PTPN4: variants seen among roughly 807,000 people sequenced by gnomAD.
PTPN4 encodes the protein protein tyrosine phosphatase non-receptor type 4.
In PTPN4, 49 loss-of-function variants were observed where a neutral mutation model predicts 135.5. That is an observed-to-expected ratio of 0.36 (90% CI 0.29 to 0.46). The LOEUF (loss-of-function observed/expected upper bound fraction) is 0.46, where lower values mean the gene tolerates loss of function less well. Among genes scored for constraint, PTPN4 ranks in the 20% least tolerant of loss-of-function variants. The probability of loss-of-function intolerance (pLI) is 1.00; values close to 1 mark genes in which losing one functional copy is unlikely to be tolerated. For missense variants in PTPN4, 860 were observed against 1,101.0 expected (o/e 0.78, Z 3.10); for synonymous variants, 333 against 369.9 (o/e 0.90, Z 1.14).
intron 8 of PTPN4, among the ~76,000 whole-genome samples, chr2:119,884,286 TG>T (rs1319529383): frequency 1.3e-5 from 2 of 152,264 alleles, no homozygotes; most frequent in African/African-American, 4.8e-5. Flanking sequence ...AATAGCATTT[TG>T]TGGCATGTGA....
At chr2:119,949,226 A>G (rs1471311258) in intron 18 of PTPN4, among the ~76,000 whole-genome samples, 1 of 152,202 alleles carries the variant, frequency 6.6e-6, no homozygotes, top group Non-Finnish European at 1.5e-5. Flanking sequence ...ATTTAGAGCA[A>G]ATTAAAACAT....
Position 119,980,607 on chromosome 2 carries a change from A to G in PTPN4, c.*3537A>G, listed in dbSNP as rs1679678239. 6.6e-6 allele frequency: 1 copy of G among 152,048 alleles called. No homozygotes were observed. The highest frequency in any genetic ancestry group is 1.5e-5 in the Non-Finnish European group (1 of 67,954). The allele number at this position is 152,048 out of a possible 1,614,324, so 9.4% of individuals were successfully genotyped here. On this transcript the variant is annotated 3_prime_UTR_variant, in exon 27 of 27. Transcript: ENST00000263708. Reference sequence around the variant, plus strand: ...ATAAATTATAACCTATGTGAATATCATAAATTCTTGTGAATTTTTGTCTAT... The same window carrying G: ...ATAAATTATAACCTATGTGAATATCGTAAATTCTTGTGAATTTTTGTCTAT...
chr2:119,810,539 T>C (rs1241060474), intron 2 of PTPN4, among the ~76,000 whole-genome samples: 1 of 152,216 alleles, frequency 6.6e-6, no homozygotes, highest in Non-Finnish European at 1.5e-5. Context: ...TTTGTATGAA[T>C]ATACTATAGT....
intron 15 of PTPN4, among the ~76,000 whole-genome samples, chr2:119,939,818 T>C (rs1216285768): frequency 1.3e-5 from 2 of 152,184 alleles, no homozygotes; most frequent in Non-Finnish European, 2.9e-5. Flanking sequence ...CCAGTCTTGA[T>C]CAAGTCTAGC....
Position 119,877,444 on chromosome 2 carries a change from A to G in PTPN4, c.290-20A>G. ...GATTAATATAGTCTGATTAATTAGA[A>G]CTACTTTTATTAATTCTAGGAGGAT... On this transcript the variant is annotated intron_variant, in intron 4 of 26. Transcript: ENST00000263708. 6.2e-7 allele frequency: 1 copy of G among 1,605,690 alleles called. No individual in the cohort carries two copies. Among genetic ancestry groups the G allele is most frequent in the African/African-American group, 1.3e-5 (1 of 74,598 alleles).
intron 20 of PTPN4, among the ~76,000 whole-genome samples, chr2:119,956,570 A>G (rs1049778747): frequency 6.6e-6 from 1 of 152,168 alleles, no homozygotes; most frequent in Non-Finnish European, 1.5e-5. Flanking sequence ...CAGATTTGCT[A>G]CTCACAACTT....
At chr2:119,963,320 G>A (rs1020287347) in intron 24 of PTPN4, among the ~76,000 whole-genome samples, 1 of 152,164 alleles carries the variant, frequency 6.6e-6, no homozygotes, top group East Asian at 1.9e-4. Flanking sequence ...TGATGGCTCA[G>A]TATCCCAATT....
At chr2:119,945,702 C>G (rs1399807974) in intron 16 of PTPN4, among the ~76,000 whole-genome samples, 2 of 152,016 alleles carry the variant, frequency 1.3e-5, no homozygotes, top group Admixed American at 6.6e-5. Context: ...TGTGAAATAT[C>G]CAAAACAGTC....
intron 1 of PTPN4, among the ~76,000 whole-genome samples, chr2:119,808,914 A>G (rs940018337): frequency 6.6e-6 from 1 of 152,132 alleles, no homozygotes; most frequent in Non-Finnish European, 1.5e-5. Flanking sequence ...TTTTCATTAT[A>G]TTTTGCTTAC....
At chr2:119,807,093 T>C (rs888336428) in intron 1 of PTPN4, among the ~76,000 whole-genome samples, 2 of 152,000 alleles carry the variant, frequency 1.3e-5, no homozygotes, top group African/African-American at 2.4e-5. Flanking sequence ...TAGAGGAAAA[T>C]TTATAGCACT....
chr2:119,983,094 T>C lies in PTPN4; in HGVS notation c.*6024T>C, dbSNP rs903044907. ...TTTAAAAATCACTAATTTAACTCTT[T>C]GTTAAGTACTCAAGTACAAAGTGAT... On this transcript the variant is annotated 3_prime_UTR_variant, in exon 27 of 27. Transcript: ENST00000263708. 2 of 152,246 alleles carry C rather than the reference T, an allele frequency of 1.3e-5. No individual in the cohort carries two copies. Among genetic ancestry groups the C allele is most frequent in the Non-Finnish European group, 1.5e-5 (1 of 68,048 alleles). 9.4% of individuals were successfully genotyped at this position (152,246 alleles called of 1,614,324 possible). A position where few individuals can be genotyped will look rare whatever the true frequency, so the allele number is the denominator to read the frequency against.
chr2:119,891,120 A>T (rs1418578466), intron 9 of PTPN4, among the ~76,000 whole-genome samples: 1 of 151,894 alleles, frequency 6.6e-6, no homozygotes, highest in African/African-American at 2.4e-5. Flanking sequence ...AAATTTGGTC[A>T]CCTTATCTTG....
At chr2:119,892,834 A>G (rs188965133) in intron 9 of PTPN4, among the ~76,000 whole-genome samples, 2,268 of 149,594 alleles carry the variant, frequency 0.015, 34 homozygotes, top group Middle Eastern at 0.028. Flanking sequence ...TGATCCTCCC[A>G]CCTCAGCCTT....
chr2:119,967,631 G>C (rs891640062), intron 25 of PTPN4, among the ~76,000 whole-genome samples: 5 of 152,082 alleles, frequency 3.3e-5, no homozygotes, highest in Admixed American at 1.3e-4. Context: ...AACTAACGTG[G>C]TAGATGGAAG....
At chr2:119,976,485 T>A (rs1040088347) in intron 26 of PTPN4, among the ~76,000 whole-genome samples, 1 of 152,188 alleles carries the variant, frequency 6.6e-6, no homozygotes, top group African/African-American at 2.4e-5. Flanking sequence ...TTGTAGACTT[T>A]TATCCCTTTT....
At chr2:119,784,384 ATTTTTTTTTT>A (rs35755705) in intron 1 of PTPN4, among the ~76,000 whole-genome samples, 3 of 107,972 alleles carry the variant, frequency 2.8e-5, no homozygotes, top group African/African-American at 1.1e-4. Context: ...TGCCCACCTA[ATTTTTTTTTT>A]TTTTTTTTTT....
intron 1 of PTPN4, among the ~76,000 whole-genome samples, chr2:119,768,131 TTC>T (rs1690668166): frequency 6.6e-6 from 1 of 152,218 alleles, no homozygotes; most frequent in African/African-American, 2.4e-5. Flanking sequence ...CTGGATTTGT[TTC>T]TGTTTAGTGG....
chr2:119,855,184 C>G (rs900994270), intron 2 of PTPN4, among the ~76,000 whole-genome samples: 1 of 152,144 alleles, frequency 6.6e-6, no homozygotes, highest in Admixed American at 6.5e-5. Context: ...CCTCCCCAGT[C>G]TACCCTTTCA....
At chr2:119,761,958 A>G (rs1302231982) in intron 1 of PTPN4, among the ~76,000 whole-genome samples, 1 of 152,200 alleles carries the variant, frequency 6.6e-6, no homozygotes, top group African/African-American at 2.4e-5. Context: ...TCAGAGCTGT[A>G]GGTATTGAAT....
Sources: allele counts gnomAD v4.1 joint callset (sites outside exome capture counted in the v4.1 genomes callset), GRCh38; gene constraint gnomAD v4.1.1; transcripts MANE v1.5; gene names NCBI Gene and HGNC (gene_info 2026-07-23, HGNC 2026-07-21).